The following SLC35G2 variants were observed in gnomAD, a reference collection of about 807,000 sequenced individuals.
The protein encoded by SLC35G2 is transmembrane protein 22.
SLC35G2 carries 20 observed loss-of-function variants against 27.2 expected under a neutral mutation model. That is an observed-to-expected ratio of 0.74 (90% CI 0.52 to 1.07). The LOEUF is 1.07. Among genes scored for constraint, SLC35G2 ranks in the 50% least tolerant of loss-of-function variants. The pLI is 0.00. For missense variants in SLC35G2, 416 were observed against 493.3 expected (o/e 0.84, Z 1.48); for synonymous variants, 148 against 165.3 (o/e 0.90, Z 0.80).
intron 1 of SLC35G2, among the ~76,000 whole-genome samples, chr3:136,832,447 A>G (rs956373217): frequency 1.3e-5 from 2 of 152,204 alleles, no homozygotes; most frequent in Non-Finnish European, 2.9e-5. Flanking sequence ...TTGTTCACCC[A>G]TATTCTGATG....
chr3:136,820,902 C>T (rs540009502), intron 1 of SLC35G2, among the ~76,000 whole-genome samples: 1 of 151,722 alleles, frequency 6.6e-6, no homozygotes, highest in Non-Finnish European at 1.5e-5. Context: ...GATATTGATA[C>T]CAAAAAAATT....
intron 1 of SLC35G2, among the ~76,000 whole-genome samples, chr3:136,835,805 TACTATC>T (rs1936850911): frequency 6.6e-6 from 1 of 152,220 alleles, no homozygotes; most frequent in African/African-American, 2.4e-5. Context: ...TATAAGCCAT[TACTATC>T]ACTATTGGTT....
chr3:136,851,105 C>T (rs1937609966), intron 1 of SLC35G2, among the ~76,000 whole-genome samples: 1 of 152,130 alleles, frequency 6.6e-6, no homozygotes, highest in South Asian at 2.1e-4. Flanking sequence ...AGAAGTACTA[C>T]TGCAGATGTT....
At chr3:136,824,258 A>G (rs1311373400) in intron 1 of SLC35G2, among the ~76,000 whole-genome samples, 2 of 152,086 alleles carry the variant, frequency 1.3e-5, no homozygotes, top group Non-Finnish European at 2.9e-5. Flanking sequence ...TTCTGTGAAG[A>G]ATGTCATTGC....
At chr3:136,853,758 C>A (rs1343558296) in intron 1 of SLC35G2, among the ~76,000 whole-genome samples, 1 of 152,042 alleles carries the variant, frequency 6.6e-6, no homozygotes, top group Admixed American at 6.6e-5. Context: ...GTGATCATCT[C>A]TTTAGCATAA....
intron 1 of SLC35G2, among the ~76,000 whole-genome samples, chr3:136,844,797 CAAAAAAAAAAAAAAA>C (rs58243269): frequency 5.6e-5 from 2 of 35,760 alleles, no homozygotes; most frequent in African/African-American, 9.7e-5. Context: ...CTCTCTGTCT[CAAAAAAAAAAAAAAA>C]AAAAAAAAAA....
chr3:136,831,585 G>T (rs946761833), intron 1 of SLC35G2, among the ~76,000 whole-genome samples: 3 of 152,194 alleles, frequency 2.0e-5, no homozygotes, highest in Non-Finnish European at 4.4e-5. Context: ...GAACCAGATT[G>T]TTCAGTGAGA....
intron 1 of SLC35G2, among the ~76,000 whole-genome samples, 186 bp from the exon 2 acceptor site, chr3:136,854,257 G>A (rs1022294885): frequency 2.6e-5 from 4 of 152,104 alleles, no homozygotes; most frequent in African/African-American, 9.7e-5. Flanking sequence ...TGAAAAAAGG[G>A]TAAACAATTC....
intron 1 of SLC35G2, among the ~76,000 whole-genome samples, chr3:136,834,657 C>T (rs1936817599): frequency 6.6e-6 from 1 of 152,154 alleles, no homozygotes; most frequent in Non-Finnish European, 1.5e-5. Context: ...TCATCATCAC[C>T]ACCACCACTG....
intron 1 of SLC35G2, among the ~76,000 whole-genome samples, chr3:136,826,786 C>T (rs1936596384): frequency 2.0e-5 from 3 of 151,928 alleles, no homozygotes; most frequent in Admixed American, 2.0e-4. Context: ...CACAGGCATG[C>T]ACCACCACAC....
At chr3:136,831,016 C>T (rs1936718140) in intron 1 of SLC35G2, among the ~76,000 whole-genome samples, 3 of 152,164 alleles carry the variant, frequency 2.0e-5, no homozygotes, top group Non-Finnish European at 4.4e-5. Flanking sequence ...AAAGTATCAG[C>T]AACTTTACTG....
intron 1 of SLC35G2, among the ~76,000 whole-genome samples, chr3:136,835,401 T>G (rs1038008459): frequency 1.2e-4 from 18 of 151,404 alleles, no homozygotes; most frequent in African/African-American, 4.4e-4. Context: ...TTGGCAGGAA[T>G]GTGATAGAAG....
intron 1 of SLC35G2, among the ~76,000 whole-genome samples, chr3:136,847,377 T>TA (rs960747818): frequency 7.9e-5 from 12 of 152,146 alleles, no homozygotes; most frequent in African/African-American, 2.9e-4. Context: ...CTCCAGAATT[T>TA]ACCTGAGATA....
chr3:136,824,640 C>T (rs1214552395), intron 1 of SLC35G2, among the ~76,000 whole-genome samples: 9 of 152,160 alleles, frequency 5.9e-5, no homozygotes, highest in African/African-American at 2.2e-4. Flanking sequence ...AAAGTTCTAG[C>T]AGTTTTTTGC....
At chr3:136,825,489 C>T (rs932525708) in intron 1 of SLC35G2, among the ~76,000 whole-genome samples, 4 of 151,982 alleles carry the variant, frequency 2.6e-5, no homozygotes, top group African/African-American at 9.7e-5. Context: ...GTGACCCGCC[C>T]CCTCAGCCTC....
intron 1 of SLC35G2, among the ~76,000 whole-genome samples, chr3:136,845,846 G>A (rs918965751): frequency 4.6e-5 from 7 of 151,410 alleles, no homozygotes; most frequent in Admixed American, 1.3e-4. Flanking sequence ...TGCCCGCCTC[G>A]GCCTCCCAAA....
intron 1 of SLC35G2, among the ~76,000 whole-genome samples, chr3:136,833,573 A>G (rs1476663641): frequency 1.3e-5 from 2 of 152,160 alleles, no homozygotes; most frequent in Non-Finnish European, 2.9e-5. Context: ...AAGCGGTTCC[A>G]CTTCAGATCA....
intron 1 of SLC35G2, among the ~76,000 whole-genome samples, chr3:136,847,175 A>AAAAT (rs546677208): frequency 6.4e-4 from 97 of 152,010 alleles, no homozygotes; most frequent in African/African-American, 2.2e-3. Context: ...AGACTGTCTA[A>AAAAT]AAATAAATAA....
At chr3:136,831,259 A>C (rs1466690172) in intron 1 of SLC35G2, among the ~76,000 whole-genome samples, 1 of 152,216 alleles carries the variant, frequency 6.6e-6, no homozygotes, top group Non-Finnish European at 1.5e-5. Context: ...AGATAGAGTT[A>C]GGTTGCAGAA....
Sources: gnomAD v4.1 joint callset for allele counts (sites outside exome capture counted in the v4.1 genomes callset) on GRCh38, gnomAD v4.1.1 for gene constraint, MANE v1.5 for transcripts, NCBI Gene and HGNC (gene_info 2026-07-23, HGNC 2026-07-21) for gene names.